CDH1: variants seen among roughly 807,000 people sequenced by gnomAD.
CDH1 encodes the protein cadherin-1.
In CDH1, 35 loss-of-function variants were observed where a neutral mutation model predicts 84.5. The ratio of observed to expected loss-of-function variants is 0.41; its 90% CI spans 0.32 to 0.55. CDH1 has a LOEUF of 0.55. CDH1 is among the 20% of genes least tolerant of loss of function. The probability of loss-of-function intolerance (pLI) is 0.19; values close to 1 mark genes in which losing one functional copy is unlikely to be tolerated. For missense variants in CDH1, 994 were observed against 1,126.6 expected (o/e 0.88, Z 1.68); for synonymous variants, 417 against 439.0 (o/e 0.95, Z 0.63).
intron 2 of CDH1, among the ~76,000 whole-genome samples, chr16:68,752,157 G>A (rs559608604): frequency 2.6e-5 from 4 of 151,934 alleles, no homozygotes; most frequent in South Asian, 2.1e-4. Flanking sequence ...TCACCATGTT[G>A]GCCAGGTTGG....
intron 2 of CDH1, among the ~76,000 whole-genome samples, chr16:68,780,853 G>A (rs546851862): frequency 1.0e-3 from 155 of 152,346 alleles, no homozygotes; most frequent in Non-Finnish European, 1.8e-3. Context: ...CCTCACTGTA[G>A]AGAGCTGGGC....
At position 68,819,265 on chromosome 16, in the gene CDH1, C is replaced by T; in HGVS notation, c.1566-15C>T. 6.2e-7 allele frequency: 1 copy of T among 1,614,202 alleles called. No homozygotes were observed. The highest frequency in any genetic ancestry group is 8.5e-7 in the Non-Finnish European group (1 of 1,180,004). ...GCTGGTCCTATTCTAAAAGCCAGAGCTTGTCCCCGTTCAGATATCGGATTT... is the reference window on the plus strand; with the variant it reads ...GCTGGTCCTATTCTAAAAGCCAGAGTTTGTCCCCGTTCAGATATCGGATTT... On this transcript the variant is annotated splice_polypyrimidine_tract_variant and intron_variant, in intron 10 of 15. Transcript: ENST00000261769.
At chr16:68,753,912 C>T (rs1247478246) in intron 2 of CDH1, among the ~76,000 whole-genome samples, 2 of 151,242 alleles carry the variant, frequency 1.3e-5, no homozygotes, top group South Asian at 2.1e-4. Flanking sequence ...GTCAGCAGAT[C>T]GAGACCATCC....
chr16:68,819,510 G>C (rs2152137183), intron 11 of CDH1, 85 bp downstream of exon 11: 6 of 1,375,836 alleles, frequency 4.4e-6, no homozygotes, highest in Non-Finnish European at 6.2e-6. Context: ...GGAGGGAAGA[G>C]TTCATTCTTT....
At chr16:68,780,784 T>C (rs992419775) in intron 2 of CDH1, among the ~76,000 whole-genome samples, 2 of 152,170 alleles carry the variant, frequency 1.3e-5, no homozygotes, top group South Asian at 4.1e-4. Flanking sequence ...TCCAGGGTGT[T>C]GGCTGAGCAG....
chr16:68,745,550 A>AAATATATATATATATGTATG (rs71253605), intron 2 of CDH1, among the ~76,000 whole-genome samples: 1 of 50,498 alleles, frequency 2.0e-5, no homozygotes, highest in Non-Finnish European at 3.3e-5. Flanking sequence ...AAAAAAAAAA[A>AAATATATATATATATGTATG]TATATATATA....
intron 13 of CDH1, among the ~76,000 whole-genome samples, chr16:68,825,732 A>C (rs1961303012): frequency 6.6e-6 from 1 of 151,542 alleles, no homozygotes; most frequent in Non-Finnish European, 1.5e-5. Flanking sequence ...TCCTAGTCAA[A>C]TTACATTTCA....
intron 2 of CDH1, among the ~76,000 whole-genome samples, chr16:68,738,808 G>T (rs1962476382): frequency 6.6e-6 from 1 of 152,012 alleles, no homozygotes; most frequent in Non-Finnish European, 1.5e-5. Flanking sequence ...CACTTGCTCA[G>T]GGTCAGCAGA....
intron 10 of CDH1, among the ~76,000 whole-genome samples, chr16:68,817,048 C>G (rs1048495101): frequency 6.6e-6 from 1 of 152,182 alleles, no homozygotes; most frequent in African/African-American, 2.4e-5. Flanking sequence ...GAGGCCCTTA[C>G]GCCTGGAACA....
intron 2 of CDH1, among the ~76,000 whole-genome samples, chr16:68,747,137 G>A (rs1400356646): frequency 6.6e-6 from 1 of 152,184 alleles, no homozygotes; most frequent in African/African-American, 2.4e-5. Flanking sequence ...GAATGAGAAT[G>A]TGTTCAGGGG....
chr16:68,756,588 C>A (rs899188040), intron 2 of CDH1, among the ~76,000 whole-genome samples: 4 of 152,134 alleles, frequency 2.6e-5, no homozygotes, highest in Non-Finnish European at 5.9e-5. Context: ...TGCTTGGTGA[C>A]GTTCATGTGG....
At chr16:68,749,949 T>G (rs1158616631) in intron 2 of CDH1, among the ~76,000 whole-genome samples, 1 of 150,370 alleles carries the variant, frequency 6.7e-6, no homozygotes, top group Non-Finnish European at 1.5e-5. Flanking sequence ...ACCTTTTTCA[T>G]CTCACTTATT....
chr16:68,780,574 G>A (rs1368775169), intron 2 of CDH1, among the ~76,000 whole-genome samples: 2 of 152,052 alleles, frequency 1.3e-5, no homozygotes, highest in East Asian at 3.9e-4. Context: ...TACGGGCTTC[G>A]GCCACCATGC....
At position 68,835,357 on chromosome 16, in the gene CDH1, A is replaced by T; in HGVS notation, c.*1858A>T. 1 of 223,590 alleles carries T rather than the reference A, an allele frequency of 4.5e-6. No homozygotes were observed. The highest frequency in any genetic ancestry group is 9.0e-6 in the Non-Finnish European group (1 of 111,724). 13.9% of individuals were successfully genotyped at this position (223,590 alleles called of 1,614,324 possible). On this transcript the variant is annotated 3_prime_UTR_variant, in exon 16 of 16. Coordinates refer to ENST00000261769, the MANE Select transcript of CDH1 (RefSeq NM_004360.5). ...TTTGGAATTGTCTTGATTTTTCGGCAGTTCAAGCTATATCGAATATAGTTC... is the reference window on the plus strand; with the variant it reads ...TTTGGAATTGTCTTGATTTTTCGGCTGTTCAAGCTATATCGAATATAGTTC...
intron 2 of CDH1, among the ~76,000 whole-genome samples, chr16:68,743,296 TTTCTTTC>T: frequency 1.1e-4 from 1 of 8,806 alleles, no homozygotes; most frequent in Non-Finnish European, 2.4e-4. Context: ...TCTTTCTTTC[TTTCTTTC>T]TTTCTTTCTT....
At chr16:68,783,708 G>A (rs1048320491) in intron 2 of CDH1, among the ~76,000 whole-genome samples, 3 of 151,458 alleles carry the variant, frequency 2.0e-5, no homozygotes, top group South Asian at 2.1e-4. Flanking sequence ...ATAGAGTCTC[G>A]CTCTGTCACC....
intron 2 of CDH1, among the ~76,000 whole-genome samples, chr16:68,782,202 C>T (rs1032653335): frequency 2.6e-5 from 4 of 152,240 alleles, no homozygotes; most frequent in Admixed American, 1.3e-4. Context: ...ATCCTGAGGG[C>T]GTGGACGGGG....
rs1208427103 is a variant in CDH1 at position 68,737,300 on chromosome 16, C to G, written c.-116C>G. On this transcript the variant is annotated 5_prime_UTR_variant, in exon 1 of 16. Coordinates refer to ENST00000261769, the MANE Select transcript of CDH1 (RefSeq NM_004360.5). ...GCCACGCACCCCCTCTCAGTGGCGT[C>G]GGAACTGCAAAGCACCTGTGAGCTT... 1.2e-6 allele frequency: 1 copy of G among 815,264 alleles called. No individual in the cohort carries two copies. The highest frequency in any genetic ancestry group is 1.9e-6 in the Non-Finnish European group (1 of 526,170). The allele number at this position is 815,264 out of a possible 1,614,324, so 50.5% of individuals were successfully genotyped here.
intron 2 of CDH1, among the ~76,000 whole-genome samples, chr16:68,780,703 C>G (rs551202579): frequency 1.3e-5 from 2 of 152,284 alleles, no homozygotes; most frequent in Non-Finnish European, 2.9e-5. Flanking sequence ...GTGGCGCTCC[C>G]ATAACTTCAT....
Sources: gnomAD v4.1 joint callset for allele counts (sites outside exome capture counted in the v4.1 genomes callset) on GRCh38, gnomAD v4.1.1 for gene constraint, MANE v1.5 for transcripts, NCBI Gene and HGNC (gene_info 2026-07-23, HGNC 2026-07-21) for gene names.